Variants in BPNT1 observed in about 807,000 individuals in gnomAD.
BPNT1 encodes the protein 3'(2'),5'-bisphosphate nucleotidase 1.
BPNT1 carries 28 observed loss-of-function variants against 36.9 expected under a neutral mutation model. That is an observed-to-expected ratio of 0.76 (90% CI 0.56 to 1.04). The LOEUF (loss-of-function observed/expected upper bound fraction) is 1.04, where lower values mean the gene tolerates loss of function less well. Among genes scored for constraint, BPNT1 ranks in the 50% least tolerant of loss-of-function variants. BPNT1 has a pLI of 0.00. For missense variants in BPNT1, 313 were observed against 372.9 expected (o/e 0.84, Z 1.32); for synonymous variants, 119 against 130.9 (o/e 0.91, Z 0.62).
rs192238224 is a variant in BPNT1, at chr1:220,088,112, T to C, written c.-9+1574A>G. ...GGCTGGTCTCGAACTTCCGACCTCA[T>C]GGCCTGCCTAAGCCTCCCAAAGTGC... is the stretch of plus-strand genomic sequence containing the variant. On this transcript the variant is annotated intron_variant, in intron 1 of 8. Coordinates refer to ENST00000322067, the MANE Select transcript of BPNT1 (RefSeq NM_006085.6). Among the ~76,000 whole-genome samples, 10 of 151,992 alleles carry C rather than the reference T, an allele frequency of 6.6e-5. No individual in the cohort carries two copies. The East Asian group carries it at 1.2e-3, about 18-fold the overall frequency.
In BPNT1 at chr1:220,058,742, T is replaced by C. The variant is rs1032736267; in HGVS notation, c.*102A>G. 3.4e-6 allele frequency: 4 copies of C among 1,189,104 alleles called. No homozygotes were observed. In the African/African-American group the frequency reaches 6.1e-5, roughly 18 times the overall value. The allele number at this position is 1,189,104 out of a possible 1,614,324, so 73.7% of individuals were successfully genotyped here. On this transcript the variant is annotated 3_prime_UTR_variant, in exon 9 of 9. Coordinates refer to ENST00000322067, the MANE Select transcript of BPNT1 (RefSeq NM_006085.6). ...TGGGGTCTCACGATATTGCCCAGGC[T>C]GGTCTCAAACTCCTGAGCTCAAGTG...
In BPNT1 at chr1:220,079,751, T is replaced by C; in HGVS notation, c.96A>G (p.Glu32=). ...AGMIVRRVIA[E]GDLGIVEKTC... ...CCTTCTCCACAATACCCAGGTCTCC[T>C]TCAGCAATAACACGTCTGACTATCA... The change falls in exon 2 of 9, where the codon GAA becomes GAG. Residue 32 remains glutamate, a synonymous_variant. Coordinates refer to ENST00000322067, the MANE Select transcript of BPNT1 (RefSeq NM_006085.6). 6.2e-7 allele frequency: 1 copy of C among 1,614,160 alleles called. No individual in the cohort carries two copies. The highest frequency in any genetic ancestry group is 8.5e-7 in the Non-Finnish European group (1 of 1,180,004).
Position 220,072,925 on chromosome 1 carries a change from C to T in BPNT1, c.258G>A (p.Leu86=). 1 of 1,614,130 alleles carries T rather than the reference C, an allele frequency of 6.2e-7. No homozygotes were observed. The highest frequency in any genetic ancestry group is 8.5e-7 in the Non-Finnish European group (1 of 1,180,004). ...DLPSEEVDQE[L]IEDSQWEEIL... The stretch of plus-strand genomic sequence containing the variant: ...TTTCTTCCCACTGACTGTCTTCAAT[C>T]AGCTCTTGATCCACTTCCTCAGAAG... The change falls in exon 4 of 9, where the codon CTG becomes CTA. Residue 86 remains leucine, a synonymous_variant. Transcript: ENST00000322067.
intron 4 of BPNT1, among the ~76,000 whole-genome samples, chr1:220,070,909 G>A (rs1031903072): frequency 1.2e-4 from 18 of 151,030 alleles, no homozygotes; most frequent in African/African-American, 2.9e-4. Flanking sequence ...AGGCTGAGGC[G>A]GGCAGATCAC....
chr1:220,080,631 T>A (rs955691492), intron 1 of BPNT1, among the ~76,000 whole-genome samples: 1 of 152,124 alleles, frequency 6.6e-6, no homozygotes, highest in Non-Finnish European at 1.5e-5. Flanking sequence ...TCATGAGAAC[T>A]TACTCACTAT....
At chr1:220,064,400 C>T (rs565528896) in intron 6 of BPNT1, among the ~76,000 whole-genome samples, 3 of 152,218 alleles carry the variant, frequency 2.0e-5, no homozygotes, top group South Asian at 2.1e-4. Flanking sequence ...TTAGGAAGTG[C>T]GCTTGGTATC....
intron 4 of BPNT1, 119 bp downstream of exon 4, chr1:220,072,731 G>A: frequency 1.4e-6 from 1 of 730,332 alleles, no homozygotes; most frequent in Non-Finnish European, 2.3e-6. Flanking sequence ...AAGATATCAA[G>A]TTTCTGGTTG....
intron 1 of BPNT1, among the ~76,000 whole-genome samples, chr1:220,080,482 A>G (rs569245264): frequency 4.6e-5 from 7 of 152,230 alleles, no homozygotes; most frequent in Non-Finnish European, 1.0e-4. Context: ...ATTGACTCAC[A>G]GTTCAGCATG....
chr1:220,076,627 G>A (rs935285512), intron 2 of BPNT1, among the ~76,000 whole-genome samples: 6 of 150,908 alleles, frequency 4.0e-5, no homozygotes, highest in Non-Finnish European at 8.8e-5. Context: ...AGAGGCTGCG[G>A]TGAGCTGAGA....
chr1:220,060,770 C>G (rs1662953049), intron 7 of BPNT1, among the ~76,000 whole-genome samples: 1 of 151,928 alleles, frequency 6.6e-6, no homozygotes, highest in Non-Finnish European at 1.5e-5. Flanking sequence ...GTGCCCAAGG[C>G]AGTGGGGAGC....
intron 4 of BPNT1, 23 bp downstream of exon 4, chr1:220,072,827 T>C (rs1185502759): frequency 6.4e-7 from 1 of 1,569,984 alleles, no homozygotes; most frequent in Non-Finnish European, 8.8e-7. Flanking sequence ...TAATAGAGAG[T>C]TGAGTATAAA....
intron 2 of BPNT1, among the ~76,000 whole-genome samples, chr1:220,079,495 G>T (rs768917319): frequency 1.3e-5 from 2 of 151,870 alleles, no homozygotes; most frequent in Non-Finnish European, 2.9e-5. Flanking sequence ...CTCATCATCC[G>T]CCTGCCTCGG....
intron 1 of BPNT1, among the ~76,000 whole-genome samples, chr1:220,087,441 G>A (rs1035497843): frequency 6.6e-6 from 1 of 151,834 alleles, no homozygotes; most frequent in Non-Finnish European, 1.5e-5. Context: ...TGTAATCCCA[G>A]CTACTCAGGA....
chr1:220,067,470 G>T, intron 5 of BPNT1, 77 bp from the exon 6 acceptor site: 1 of 993,382 alleles, frequency 1.0e-6, no homozygotes, highest in Non-Finnish European at 1.5e-6. Flanking sequence ...ATTGCTCCAA[G>T]TTAGTTTTGC....
rs1558072750 is a variant in BPNT1, at chr1:220,059,010, T to C, written c.779-18A>G. On this transcript the variant is annotated intron_variant, in intron 8 of 8. Transcript: ENST00000322067. ...TAACTTGCCTATAGAAAAACATCAA[T>C]CAATCAATCAAGTTAGTGGCTAATT... is the stretch of plus-strand genomic sequence containing the variant. 2 of 1,612,196 alleles carry C rather than the reference T, an allele frequency of 1.2e-6. No homozygotes were observed. Among genetic ancestry groups the C allele is most frequent in the Non-Finnish European group, 8.5e-7 (1 of 1,178,910 alleles).
intron 6 of BPNT1, among the ~76,000 whole-genome samples, chr1:220,063,411 G>A (rs1461581308): frequency 6.6e-6 from 1 of 152,166 alleles, no homozygotes; most frequent in African/African-American, 2.4e-5. Context: ...TCTCCTGAGA[G>A]AATCTGCTGA....
intron 4 of BPNT1, among the ~76,000 whole-genome samples, chr1:220,070,788 T>G (rs1229852131): frequency 1.3e-5 from 2 of 150,432 alleles, no homozygotes; most frequent in African/African-American, 4.9e-5. Flanking sequence ...AAGAGATTAT[T>G]TTTTCCCCAG....
intron 2 of BPNT1, among the ~76,000 whole-genome samples, chr1:220,076,735 T>C (rs1664589043): frequency 6.7e-6 from 1 of 150,210 alleles, no homozygotes; most frequent in Admixed American, 6.7e-5. Context: ...ATAATAATAG[T>C]AGTAGCCCTC....
At chr1:220,066,695 C>A (rs1663563594) in intron 6 of BPNT1, among the ~76,000 whole-genome samples, 1 of 152,110 alleles carries the variant, frequency 6.6e-6, no homozygotes, top group Non-Finnish European at 1.5e-5. Flanking sequence ...GGCAATTTAT[C>A]TGATGTATAA....
Sources: allele counts gnomAD v4.1 joint callset (sites outside exome capture counted in the v4.1 genomes callset), GRCh38; gene constraint gnomAD v4.1.1; transcripts MANE v1.5; gene names NCBI Gene and HGNC (gene_info 2026-07-23, HGNC 2026-07-21).